GPHN: variants seen among roughly 807,000 people sequenced by gnomAD.
GPHN encodes gephyrin.
Under a neutral mutation model 95.5 loss-of-function variants are expected in GPHN, and 17 were observed. The ratio of observed to expected loss-of-function variants is 0.18; its 90% CI spans 0.12 to 0.27. The LOEUF (loss-of-function observed/expected upper bound fraction) is 0.27. GPHN is among the 10% of genes least tolerant of loss of function. The probability of loss-of-function intolerance (pLI) is 1.00; values close to 1 mark genes in which losing one functional copy is unlikely to be tolerated. For synonymous variants in GPHN, 320 were observed against 322.5 expected (o/e 0.99, Z 0.08); for missense variants, 660 against 978.1 (o/e 0.67, Z 4.34).
chr14:67,150,464 A>AC (rs772495010), intron 18 of GPHN, among the ~76,000 whole-genome samples: 4 of 136,206 alleles, frequency 2.9e-5, no homozygotes, highest in African/African-American at 1.0e-4. Flanking sequence ...AAAAAAAAAA[A>AC]AAAAAAAAAC....
At chr14:66,545,570 C>G (rs1353526026) in intron 1 of GPHN, among the ~76,000 whole-genome samples, 2 of 114,058 alleles carry the variant, frequency 1.8e-5, no homozygotes, top group African/African-American at 5.1e-5. Context: ...CTGACCCCCC[C>G]ACCTCCCTCC....
At chr14:66,531,866 TAA>T (rs547830022) in intron 1 of GPHN, among the ~76,000 whole-genome samples, 161 of 152,334 alleles carry the variant, frequency 1.1e-3, no homozygotes, top group Non-Finnish European at 2.0e-3. Flanking sequence ...ACTTTTTTAG[TAA>T]AAGACTAGAT....
intron 1 of GPHN, among the ~76,000 whole-genome samples, chr14:66,532,422 A>T (rs1406715961): frequency 6.6e-6 from 1 of 152,218 alleles, no homozygotes; most frequent in African/African-American, 2.4e-5. Flanking sequence ...GAAGCAGAAG[A>T]TGCCAGGCCA....
At chr14:67,253,923 G>A in the GPHN span, among the ~76,000 whole-genome samples, 1 of 146,116 alleles carries the variant, frequency 6.8e-6, no homozygotes, top group Admixed American at 6.9e-5. Flanking sequence ...TAGAGCATTT[G>A]TTTACTGATA....
the GPHN span, among the ~76,000 whole-genome samples, chr14:67,654,125 G>A: frequency 2.0e-4 from 30 of 152,218 alleles, no homozygotes; most frequent in East Asian, 5.6e-3. Flanking sequence ...TTATTTATTT[G>A]AAACAGGGTC....
intron 3 of GPHN, among the ~76,000 whole-genome samples, chr14:66,817,212 T>G (rs2061006361): frequency 6.6e-6 from 1 of 152,044 alleles, no homozygotes; most frequent in Non-Finnish European, 1.5e-5. Flanking sequence ...AAATAATATA[T>G]ATGTGTGTTT....
At chr14:67,252,361 C>T in the GPHN span, among the ~76,000 whole-genome samples, 1 of 152,182 alleles carries the variant, frequency 6.6e-6, no homozygotes, top group South Asian at 2.1e-4. Flanking sequence ...TGCTGAGCTG[C>T]CCAGGCTGGT....
the GPHN span, chr14:67,569,194 C>G: frequency 6.2e-7 from 1 of 1,612,322 alleles, no homozygotes; most frequent in South Asian, 1.1e-5. Context: ...ATATGTCTCC[C>G]AGAAGTAATA....
At chr14:66,852,400 T>G (rs1426419085) in intron 4 of GPHN, among the ~76,000 whole-genome samples, 1 of 152,220 alleles carries the variant, frequency 6.6e-6, no homozygotes, top group Non-Finnish European at 1.5e-5. Context: ...TGCGTGCGCG[T>G]GCGCGTGTTC....
At chr14:67,050,893 C>G (rs75303744) in intron 10 of GPHN, among the ~76,000 whole-genome samples, 1,828 of 152,254 alleles carry the variant, frequency 0.012, 18 homozygotes, top group Non-Finnish European at 0.018. Context: ...AACTCCCACT[C>G]CCAGCCAAGG....
chr14:66,927,348 CA>C (rs144817350), intron 8 of GPHN, among the ~76,000 whole-genome samples: 2,655 of 100,050 alleles, frequency 0.027, 27 homozygotes, highest in Non-Finnish European at 0.041. Flanking sequence ...GACTCCATCT[CA>C]AAAAAAAAAA....
the GPHN span, among the ~76,000 whole-genome samples, chr14:67,519,304 A>C: frequency 6.6e-6 from 1 of 152,254 alleles, no homozygotes; most frequent in Non-Finnish European, 1.5e-5. Flanking sequence ...GATGGCTCGC[A>C]TATTTAAAGG....
chr14:66,541,674 C>T (rs2059358213), intron 1 of GPHN, among the ~76,000 whole-genome samples: 3 of 152,180 alleles, frequency 2.0e-5, no homozygotes, highest in Non-Finnish European at 4.4e-5. Flanking sequence ...GAAGTTTGGA[C>T]ACTGACAGGC....
the GPHN span, among the ~76,000 whole-genome samples, chr14:67,268,671 A>G: frequency 6.6e-6 from 1 of 152,216 alleles, no homozygotes; most frequent in Non-Finnish European, 1.5e-5. Flanking sequence ...ATGCTAACGC[A>G]TTATAATTAG....
chr14:67,557,306 T>C, the GPHN span: 3 of 1,613,768 alleles, frequency 1.9e-6, no homozygotes, highest in Middle Eastern at 1.6e-4. Flanking sequence ...CTATCCAATC[T>C]GAAGAATGTG....
rs547753604 is a variant in GPHN, at chr14:66,767,953, T to C, written c.144-8511T>C. Among the ~76,000 whole-genome samples, 75 of 152,032 alleles carry C rather than the reference T, an allele frequency of 4.9e-4. 2 individuals are homozygous for C. The South Asian group carries it at 0.015, about 30-fold the overall frequency. On this transcript the variant is annotated intron_variant, in intron 2 of 22. Coordinates refer to ENST00000478722, the MANE Select transcript of GPHN (RefSeq NM_020806.5). ...TCTAATAGTCATAATGAATAGTGTT[T>C]TACGAATTGCCAACAAAAGTTCAAA...
intron 8 of GPHN, among the ~76,000 whole-genome samples, chr14:66,935,499 GTGT>G (rs1463457279): frequency 1.6e-3 from 168 of 104,880 alleles, no homozygotes; most frequent in Middle Eastern, 0.012. Flanking sequence ...GTATATGTGT[GTGT>G]TTTTATATAT....
At chr14:66,603,582 G>A (rs982450632) in intron 1 of GPHN, among the ~76,000 whole-genome samples, 1 of 151,848 alleles carries the variant, frequency 6.6e-6, no homozygotes, top group African/African-American at 2.4e-5. Context: ...TTTTTATGTA[G>A]CTTTTTATAC....
chr14:66,509,025 C>T lies in GPHN; in HGVS notation c.64+434C>T, dbSNP rs1220537673. On this transcript the variant is annotated intron_variant, in intron 1 of 22. Transcript: ENST00000478722. ...AATCCCATCTCCACCCCCTTCCTCT[C>T]CTTCCCTTCCCCCCACCTGGGCGGC... 3 of 236,710 alleles carry T rather than the reference C, an allele frequency of 1.3e-5. No individual in the cohort carries two copies. The Admixed American group carries it at 1.5e-4, about 12-fold the overall frequency. The allele number at this position is 236,710 out of a possible 1,614,324, so 14.7% of individuals were successfully genotyped here. A position where few individuals can be genotyped will look rare whatever the true frequency, so the allele number is the denominator to read the frequency against.
Sources: gnomAD v4.1 joint callset for allele counts (sites outside exome capture counted in the v4.1 genomes callset) on GRCh38, gnomAD v4.1.1 for gene constraint, MANE v1.5 for transcripts, NCBI Gene and HGNC (gene_info 2026-07-23, HGNC 2026-07-21) for gene names.